Variants in DCAF17 observed in about 807,000 individuals in gnomAD.
DCAF17 encodes DDB1 and CUL4 associated factor 17.
A neutral mutation model predicts 66.0 loss-of-function variants in DCAF17; 48 were observed. That is an observed-to-expected ratio of 0.73 (90% CI 0.58 to 0.92). The LOEUF (loss-of-function observed/expected upper bound fraction) is 0.92, where lower values mean the gene tolerates loss of function less well. DCAF17 is among the 40% of genes least tolerant of loss of function. The pLI is 0.00. For synonymous variants in DCAF17, 206 were observed against 214.6 expected, an observed-to-expected ratio of 0.96 and a Z score of 0.35; for missense variants, 562 against 622.8, an observed-to-expected ratio of 0.90 and a Z score of 1.04.
chr2:171,467,727 C>CGA lies in DCAF17; in HGVS notation c.839-1161_839-1160insGA, dbSNP rs773482982. On this transcript the variant is annotated intron_variant, in intron 8 of 13. Transcript: ENST00000375255. Reference sequence around the variant, plus strand: ...CCTAGGTGACAGAGCGAGACTGTCTCAAAAAAAAAAAAAAAAAAAAAAAAA... The same window carrying CGA: ...CCTAGGTGACAGAGCGAGACTGTCTCGAAAAAAAAAAAAAAAAAAAAAAAAAA... 5.2e-4 allele frequency among the ~76,000 whole-genome samples: 36 copies of CGA among 68,718 alleles called. 3 individuals carry two copies. Among genetic ancestry groups the CGA allele is most frequent in the Non-Finnish European group, 6.6e-4 (23 of 34,614 alleles). 45.1% of individuals were successfully genotyped at this position (68,718 alleles called of 152,430 possible). A position where few individuals can be genotyped will look rare whatever the true frequency, so the allele number is the denominator to read the frequency against.
intron 1 of DCAF17, 99 bp downstream of exon 1, chr2:171,434,802 A>G (rs1301637789): frequency 2.9e-6 from 4 of 1,388,518 alleles, no homozygotes; most frequent in Non-Finnish European, 3.7e-6. Context: ...GCCTCCCTTT[A>G]TAGGGTCACA....
Position 171,478,000 on chromosome 2 carries a change from T to G in DCAF17, c.1196T>G (p.Leu399Arg). The G allele has an allele frequency of 6.2e-7, 1 of 1,613,476 alleles. No homozygotes were observed. The highest frequency in any genetic ancestry group is 8.5e-7 in the Non-Finnish European group (1 of 1,179,418). ...NRENHKNENVLTVTASGRVVK... is the reference protein window; with the variant it reads ...NRENHKNENVRTVTASGRVVK... ...TCCATATGATAGAATGAAAATGTACTCACTGTTACAGCTTCTGGACGGGTG... is the reference window on the plus strand; with the variant it reads ...TCCATATGATAGAATGAAAATGTACGCACTGTTACAGCTTCTGGACGGGTG... The change falls in exon 12 of 14, where the codon CTC becomes CGC. Residue 399 changes from leucine (L) to arginine (R), a missense_variant. This residue lies in a region of DCAF17 where 201 missense variants were observed against 231.1 expected (regional missense o/e 0.87). Coordinates refer to ENST00000375255, the MANE Select transcript of DCAF17 (RefSeq NM_025000.4).
intron 2 of DCAF17, 104 bp from the exon 3 acceptor site, chr2:171,443,419 T>C: frequency 2.4e-6 from 2 of 818,424 alleles, no homozygotes; most frequent in South Asian, 1.6e-5. Flanking sequence ...AAATAAATTG[T>C]GCCTTGGTAT....
Position 171,434,422 on chromosome 2 carries a change from G to C in DCAF17, c.-156G>C. On this transcript the variant is annotated 5_prime_UTR_variant, in exon 1 of 14. Transcript: ENST00000375255. ...CTCTGCTTTCCCTCGCCCCGCCGTC[G>C]GGTGCTCCCTGCCCGCCTCCCCGTG... is the stretch of plus-strand genomic sequence containing the variant. 1.5e-6 allele frequency: 2 copies of C among 1,308,622 alleles called. No individual in the cohort carries two copies. The highest frequency in any genetic ancestry group is 2.1e-6 in the Non-Finnish European group (2 of 945,198). The allele number at this position is 1,308,622 out of a possible 1,614,324, so 81.1% of individuals were successfully genotyped here. A position where few individuals can be genotyped will look rare whatever the true frequency, so the allele number is the denominator to read the frequency against.
At position 171,448,734 on chromosome 2, in the gene DCAF17, T is replaced by C. The variant is rs766017408; in HGVS notation, c.375T>C (p.Thr125=). 1 of 1,613,482 alleles carries C rather than the reference T, an allele frequency of 6.2e-7. No homozygotes were observed. The highest frequency in any genetic ancestry group is 1.1e-5 in the South Asian group (1 of 91,050). Residue 125 remains threonine (T), a synonymous_variant, in exon 4 of 14, where the codon ACT becomes ACC. Transcript: ENST00000375255. ...ATAAGTCCTCACTCATAGCACTGAC[T>C]GCTCATAATTGGCTACTTCGTATAT... is the stretch of plus-strand genomic sequence containing the variant. ...SDYKSSLIAL[T]AHNWLLRISA...
chr2:171,472,901 C>A, intron 9 of DCAF17: 1 of 334,400 alleles, frequency 3.0e-6, no homozygotes, highest in East Asian at 9.8e-5. Context: ...TCTGTAAAGC[C>A]AGTGAAGTTA....
At chr2:171,478,363 G>A (rs1342797113) in intron 12 of DCAF17, among the ~76,000 whole-genome samples, 2 of 152,174 alleles carry the variant, frequency 1.3e-5, no homozygotes, top group Non-Finnish European at 2.9e-5. Context: ...TTTTGTTGAT[G>A]TGTATATTTT....
chr2:171,479,138 C>G (rs1271659207), intron 12 of DCAF17, among the ~76,000 whole-genome samples: 2 of 152,114 alleles, frequency 1.3e-5, no homozygotes, highest in Non-Finnish European at 2.9e-5. Context: ...TTTTAATAAT[C>G]AAACGTAATA....
intron 12 of DCAF17, among the ~76,000 whole-genome samples, chr2:171,478,477 C>T (rs532248145): frequency 1.3e-5 from 2 of 152,102 alleles, no homozygotes; most frequent in African/African-American, 2.4e-5. Context: ...TGTTAATGTC[C>T]GTAGTCCAGA....
chr2:171,456,252 C>T (rs1186820837), intron 6 of DCAF17, among the ~76,000 whole-genome samples: 2 of 151,930 alleles, frequency 1.3e-5, no homozygotes, highest in African/African-American at 2.4e-5. Flanking sequence ...TATCCCAGCA[C>T]CACAGGGAAT....
chr2:171,465,204 GAAAAAAA>G (rs1198249311), intron 8 of DCAF17, among the ~76,000 whole-genome samples: 1 of 134,272 alleles, frequency 7.4e-6, no homozygotes, highest in African/African-American at 2.7e-5. Flanking sequence ...TCTCAAAAAG[GAAAAAAA>G]AAAAAAAGTA....
chr2:171,458,784 T>A (rs2105774808), intron 8 of DCAF17, among the ~76,000 whole-genome samples: 1 of 152,338 alleles, frequency 6.6e-6, no homozygotes, highest in South Asian at 2.1e-4. Context: ...TGATACCATC[T>A]TAGCTCTCTT....
Position 171,483,208 on chromosome 2 carries a change from A to G in DCAF17, c.*2094A>G. The G allele has an allele frequency of 2.2e-6, 1 of 454,096 alleles. No homozygotes were observed. The highest frequency in any genetic ancestry group is 4.4e-6 in the Non-Finnish European group (1 of 226,782). 28.1% of individuals were successfully genotyped at this position (454,096 alleles called of 1,614,324 possible). A position where few individuals can be genotyped will look rare whatever the true frequency, so the allele number is the denominator to read the frequency against. ...GTGTCACACAGCTGCTCATTCTGCCACCTGCCAGACATTAATGTCTTCCTG... is the reference window on the plus strand; with the variant it reads ...GTGTCACACAGCTGCTCATTCTGCCGCCTGCCAGACATTAATGTCTTCCTG... On this transcript the variant is annotated 3_prime_UTR_variant, in exon 14 of 14. Coordinates refer to ENST00000375255, the MANE Select transcript of DCAF17 (RefSeq NM_025000.4).
rs1366135524 is a variant in DCAF17 at position 171,481,911 on chromosome 2, C to A, written c.*797C>A. The stretch of plus-strand genomic sequence containing the variant: ...AGTGAGTTTTCTGATCTTGTTTAGG[C>A]AATATTTGCATACTTATGCAATAAG... On this transcript the variant is annotated 3_prime_UTR_variant, in exon 14 of 14. Coordinates refer to ENST00000375255, the MANE Select transcript of DCAF17 (RefSeq NM_025000.4). The A allele has an allele frequency of 4.4e-6, 2 of 454,008 alleles. No homozygotes were observed. Among genetic ancestry groups the A allele is most frequent in the Non-Finnish European group, 4.4e-6 (1 of 226,738 alleles). The allele number at this position is 454,008 out of a possible 1,614,324, so 28.1% of individuals were successfully genotyped here.
intron 2 of DCAF17, among the ~76,000 whole-genome samples, chr2:171,439,154 C>T (rs1694145113): frequency 6.6e-6 from 1 of 152,006 alleles, no homozygotes; most frequent in South Asian, 2.1e-4. Context: ...ATTTTCTCTT[C>T]ACTTTTGATT....
Position 171,443,531 on chromosome 2 carries a change from C to A in DCAF17, c.239C>A (p.Ser80Tyr), listed in dbSNP as rs1334674702. ...TTTTTCTTTTTTCCCAGTGTTGCAT[C>A]TGAGCCAAGAAAACTTTATGAAATG... ...NYRRCVSSVA[S>Y]EPRKLYEMPK... Residue 80 changes from serine to tyrosine, a missense_variant, in exon 3 of 14, where the codon TCT becomes TAT. By Grantham distance (144) the Ser-to-Tyr change is moderately radical. Transcript: ENST00000375255. 1.9e-6 allele frequency: 3 copies of A among 1,612,070 alleles called. No individual in the cohort carries two copies. Among genetic ancestry groups the A allele is most frequent in the Non-Finnish European group, 2.5e-6 (3 of 1,179,008 alleles).
chr2:171,434,710 G>A lies in DCAF17; in HGVS notation c.126+7G>A. The A allele has an allele frequency of 1.4e-6, 2 of 1,459,460 alleles. No homozygotes were observed. The highest frequency in any genetic ancestry group is 1.8e-6 in the Non-Finnish European group (2 of 1,115,832). 90.4% of individuals were successfully genotyped at this position (1,459,460 alleles called of 1,614,324 possible). A position where few individuals can be genotyped will look rare whatever the true frequency, so the allele number is the denominator to read the frequency against. Reference sequence around the variant, plus strand: ...GCGGGCGCTGGTGTGCCAGGTGACCGCCAGCCGGCCGGGGCGGGACGGAGG... The same window carrying A: ...GCGGGCGCTGGTGTGCCAGGTGACCACCAGCCGGCCGGGGCGGGACGGAGG... On this transcript the variant is annotated splice_region_variant and intron_variant, in intron 1 of 13. Transcript: ENST00000375255.
In DCAF17 at chr2:171,458,030, CTCAGGACTGG is replaced by C; in HGVS notation, c.692_701del (p.Gly231AspfsTer19). 1.2e-6 allele frequency: 2 copies of C among 1,614,120 alleles called. No individual in the cohort carries two copies. Among genetic ancestry groups the C allele is most frequent in the Non-Finnish European group, 1.7e-6 (2 of 1,179,992 alleles). ...ATGGAATACTGATTGTGATGTACAG[CTCAGGACTGG>C]TCAGACTCTATAGCTTCCAAACCAT... is the stretch of plus-strand genomic sequence containing the variant. On this transcript the variant is annotated frameshift_variant, in exon 7 of 14. Transcript: ENST00000375255. LOFTEE classifies it high-confidence loss of function.
chr2:171,445,655 A>G (rs1283748057), intron 3 of DCAF17, among the ~76,000 whole-genome samples: 1 of 152,146 alleles, frequency 6.6e-6, no homozygotes, highest in Non-Finnish European at 1.5e-5. Flanking sequence ...GGCAAGTTAT[A>G]AATAGTATAT....
Sources: gnomAD v4.1 joint callset for allele counts (sites outside exome capture counted in the v4.1 genomes callset) on GRCh38, gnomAD v4.1.1 for gene constraint, gnomAD v4.1.1 regional missense constraint, MANE v1.5 for transcripts, NCBI Gene and HGNC (gene_info 2026-07-23, HGNC 2026-07-21) for gene names.